The following COX7B2 variants were observed in gnomAD, a reference collection of about 807,000 sequenced individuals.
COX7B2 encodes cytochrome c oxidase subunit 7B2.
For missense variants in COX7B2, 109 were observed against 95.9 expected (o/e 1.14, Z -0.57); for synonymous variants, 37 against 32.1 (o/e 1.15, Z -0.51).
intron 2 of COX7B2, among the ~76,000 whole-genome samples, chr4:46,766,846 T>A (rs1452969819): frequency 6.6e-6 from 1 of 151,734 alleles, no homozygotes; most frequent in Non-Finnish European, 1.5e-5. Context: ...ACAAAGTCAA[T>A]CTCTGTAATA....
chr4:46,739,351 A>G (rs1201280176), intron 2 of COX7B2, among the ~76,000 whole-genome samples: 1 of 151,952 alleles, frequency 6.6e-6, no homozygotes, highest in African/African-American at 2.4e-5. Context: ...AACCAAAACA[A>G]AACAAAACAA....
chr4:46,831,145 C>T (rs1035713571), intron 2 of COX7B2, among the ~76,000 whole-genome samples: 11 of 152,286 alleles, frequency 7.2e-5, no homozygotes, highest in African/African-American at 2.6e-4. Context: ...GGCCGGCCGG[C>T]CTGCCAGCCC....
At chr4:46,746,334 C>A (rs1261259065) in intron 2 of COX7B2, among the ~76,000 whole-genome samples, 1 of 152,188 alleles carries the variant, frequency 6.6e-6, no homozygotes, top group East Asian at 1.9e-4. Context: ...GAGAGCCAAA[C>A]TCATATATGT....
intron 1 of COX7B2, among the ~76,000 whole-genome samples, chr4:46,877,098 A>G (rs941145131): frequency 1.3e-5 from 2 of 152,212 alleles, no homozygotes; most frequent in Admixed American, 1.3e-4. Context: ...AAAATGATCT[A>G]AAATTCCTAA....
At chr4:46,864,141 G>A (rs550053608) in intron 1 of COX7B2, among the ~76,000 whole-genome samples, 10 of 152,256 alleles carry the variant, frequency 6.6e-5, no homozygotes, top group African/African-American at 1.9e-4. Context: ...TGAAAATTTG[G>A]AAAGAAGGAT....
chr4:46,832,118 G>A (rs895895063), intron 2 of COX7B2, among the ~76,000 whole-genome samples: 84 of 152,110 alleles, frequency 5.5e-4, no homozygotes, highest in Non-Finnish European at 7.3e-5. Flanking sequence ...CAACCTGCTC[G>A]GGTCCCCTTC....
chr4:46,869,870 A>G (rs1717879408), intron 1 of COX7B2, among the ~76,000 whole-genome samples: 2 of 152,058 alleles, frequency 1.3e-5, no homozygotes, highest in South Asian at 4.1e-4. Context: ...ATCTTCTTGC[A>G]TAGAGTCTTG....
intron 1 of COX7B2, among the ~76,000 whole-genome samples, chr4:46,906,231 C>G (rs370173893): frequency 2.6e-5 from 4 of 152,276 alleles, no homozygotes; most frequent in African/African-American, 9.6e-5. Context: ...CCTCTCTCAT[C>G]TATTTATTTC....
chr4:46,832,777 C>T (rs900217558), intron 2 of COX7B2, among the ~76,000 whole-genome samples: 2 of 152,172 alleles, frequency 1.3e-5, no homozygotes, highest in Admixed American at 6.5e-5. Flanking sequence ...CTCTCTCTCA[C>T]TCCTGCTCTC....
At chr4:46,889,298 AGTCCT>A (rs1719276484) in intron 1 of COX7B2, among the ~76,000 whole-genome samples, 7 of 152,218 alleles carry the variant, frequency 4.6e-5, no homozygotes, top group Middle Eastern at 3.2e-3. Flanking sequence ...TTCAAACTGT[AGTCCT>A]ACAATAAGCC....
intron 2 of COX7B2, among the ~76,000 whole-genome samples, chr4:46,833,279 C>T (rs1715284558): frequency 6.6e-6 from 1 of 152,184 alleles, no homozygotes; most frequent in Non-Finnish European, 1.5e-5. Context: ...AGAACTAACA[C>T]AGTATGTCCT....
chr4:46,803,924 G>T (rs1037306229), intron 2 of COX7B2, among the ~76,000 whole-genome samples: 9 of 152,084 alleles, frequency 5.9e-5, no homozygotes, highest in African/African-American at 2.2e-4. Context: ...ACTGTGTCCG[G>T]AATTGGTGGG....
At chr4:46,891,407 T>A (rs1246931383) in intron 1 of COX7B2, among the ~76,000 whole-genome samples, 1 of 151,788 alleles carries the variant, frequency 6.6e-6, no homozygotes, top group East Asian at 1.9e-4. Context: ...CATTTAGAGG[T>A]CATAATGAAG....
At chr4:46,828,146 C>T (rs908601634) in intron 2 of COX7B2, among the ~76,000 whole-genome samples, 1 of 151,928 alleles carries the variant, frequency 6.6e-6, no homozygotes, top group African/African-American at 2.4e-5. Flanking sequence ...ACAAATTTGA[C>T]ATAATACAAA....
intron 2 of COX7B2, among the ~76,000 whole-genome samples, chr4:46,755,294 C>T (rs1299900923): frequency 6.6e-6 from 1 of 151,932 alleles, no homozygotes; most frequent in Non-Finnish European, 1.5e-5. Context: ...TATATCTCAA[C>T]ATAATAAAGG....
intron 2 of COX7B2, among the ~76,000 whole-genome samples, chr4:46,768,341 A>G (rs1162070369): frequency 7.0e-6 from 1 of 141,914 alleles, no homozygotes; most frequent in Non-Finnish European, 1.5e-5. Context: ...CACTCCAACC[A>G]TAGTCTCCAA....
intron 1 of COX7B2, among the ~76,000 whole-genome samples, chr4:46,866,486 G>A (rs1588605): frequency 0.28 from 42,696 of 151,994 alleles, 6,417 homozygotes; most frequent in Admixed American, 0.37. Context: ...AAAACAAAAT[G>A]TTTTGTATAT....
chr4:46,893,318 C>T (rs1451013439), intron 1 of COX7B2, among the ~76,000 whole-genome samples: 1 of 152,134 alleles, frequency 6.6e-6, no homozygotes, highest in East Asian at 1.9e-4. Flanking sequence ...AAGTGGTCTG[C>T]TTTATACCAG....
intron 1 of COX7B2, among the ~76,000 whole-genome samples, chr4:46,878,844 T>G (rs983697921): frequency 6.6e-6 from 1 of 152,162 alleles, no homozygotes; most frequent in African/African-American, 2.4e-5. Context: ...CCTACATCAC[T>G]AGTTCTACTT....
Sources: allele counts gnomAD v4.1 joint callset (sites outside exome capture counted in the v4.1 genomes callset), GRCh38; gene constraint gnomAD v4.1.1; transcripts MANE v1.5; gene names NCBI Gene and HGNC (gene_info 2026-07-23, HGNC 2026-07-21).